Variants in HACL1 observed in about 807,000 individuals in gnomAD.
HACL1 encodes 1600020H07Rik.
Under a neutral mutation model 74.2 loss-of-function variants are expected in HACL1, and 64 were observed. The ratio of observed to expected loss-of-function variants is 0.86; its 90% CI spans 0.70 to 1.06. The LOEUF (loss-of-function observed/expected upper bound fraction) is 1.06. Among genes scored for constraint, HACL1 ranks in the 50% least tolerant of loss-of-function variants. HACL1 has a pLI of 0.00. For synonymous variants in HACL1, 230 were observed against 238.8 expected, an observed-to-expected ratio of 0.96 and a Z score of 0.34; for missense variants, 728 against 719.7, an observed-to-expected ratio of 1.01 and a Z score of -0.13.
At chr3:15,598,001 GTTTTA>G (rs1355985026) in intron 2 of HACL1, among the ~76,000 whole-genome samples, 1 of 150,830 alleles carries the variant, frequency 6.6e-6, no homozygotes, top group East Asian at 2.0e-4. Context: ...GTTTTGTTTT[GTTTTA>G]TTTTGTTTTG....
At chr3:15,581,757 C>A (rs2125257573) in intron 8 of HACL1, among the ~76,000 whole-genome samples, 1 of 152,326 alleles carries the variant, frequency 6.6e-6, no homozygotes, top group East Asian at 1.9e-4. Flanking sequence ...ACCGCACTTA[C>A]TTGTTACCAG....
intron 15 of HACL1, among the ~76,000 whole-genome samples, chr3:15,564,045 A>T (rs1003891169): frequency 6.6e-6 from 1 of 152,234 alleles, no homozygotes; most frequent in African/African-American, 2.4e-5. Flanking sequence ...GCATAAATAG[A>T]CACACCCATA....
intron 3 of HACL1, 117 bp from the exon 4 acceptor site, chr3:15,591,797 A>G (rs1482217822): frequency 1.2e-5 from 7 of 601,500 alleles, no homozygotes; most frequent in South Asian, 4.0e-5. Flanking sequence ...AGTCTTTACT[A>G]TAACTGATAA....
At chr3:15,563,755 T>C (rs941390591) in intron 15 of HACL1, among the ~76,000 whole-genome samples, 6 of 152,214 alleles carry the variant, frequency 3.9e-5, no homozygotes, top group Non-Finnish European at 4.4e-5. Flanking sequence ...TCTGTGATGA[T>C]AGAAATGTTT....
At chr3:15,580,927 G>A (rs1389016370) in intron 8 of HACL1, among the ~76,000 whole-genome samples, 2 of 152,232 alleles carry the variant, frequency 1.3e-5, no homozygotes, top group African/African-American at 4.8e-5. Flanking sequence ...TTGAGGCAAA[G>A]TCTCACTCTT....
chr3:15,596,598 T>C (rs543032059), intron 2 of HACL1, among the ~76,000 whole-genome samples, 174 bp from the exon 3 acceptor site: 1 of 152,354 alleles, frequency 6.6e-6, no homozygotes, highest in South Asian at 2.1e-4. Context: ...GTTATCTAAA[T>C]TTTAGTTTTT....
intron 3 of HACL1, 142 bp from the exon 4 acceptor site, chr3:15,591,822 T>C (rs1248377044): frequency 1.8e-6 from 1 of 554,194 alleles, no homozygotes; most frequent in East Asian, 3.1e-5. Flanking sequence ...ATTATTAGAA[T>C]ATTTTTAATT....
chr3:15,576,160 A>C (rs1199492180), intron 9 of HACL1, among the ~76,000 whole-genome samples: 8 of 150,404 alleles, frequency 5.3e-5, no homozygotes, highest in Non-Finnish European at 8.9e-5. Flanking sequence ...GTCTCAAAAA[A>C]AAAAAAAAAA....
intron 11 of HACL1, 123 bp from the exon 12 acceptor site, chr3:15,571,892 T>A (rs2063543190): frequency 1.9e-6 from 1 of 527,736 alleles, no homozygotes; most frequent in Non-Finnish European, 3.2e-6. Context: ...CAGGCTGGAG[T>A]GCAGTGGCGC....
At position 15,601,095 on chromosome 3, in the gene HACL1, GCTCATTC is replaced by G. The variant is rs1318058198; in HGVS notation, c.174_180del (p.Arg58SerfsTer14). On this transcript the variant is annotated frameshift_variant, in exon 2 of 17. Transcript: ENST00000321169. LOFTEE classifies it high-confidence loss of function. The stretch of plus-strand genomic sequence containing the variant: ...CCACCTGAGTCCATACTCACCGCTT[GCTCATTC>G]CTCATCCCGATGTACTTGATGCCTA... The G allele has an allele frequency of 6.2e-7, 1 of 1,604,724 alleles. No individual in the cohort carries two copies. Among genetic ancestry groups the G allele is most frequent in the South Asian group, 1.1e-5 (1 of 90,926 alleles).
chr3:15,591,516 C>T (rs961879442), intron 4 of HACL1, 84 bp downstream of exon 4: 4 of 725,998 alleles, frequency 5.5e-6, no homozygotes, highest in East Asian at 2.9e-5. Context: ...AGTCTTTCTA[C>T]CCTAGATCAG....
At chr3:15,573,563 T>C (rs1157680204) in intron 10 of HACL1, among the ~76,000 whole-genome samples, 2 of 152,204 alleles carry the variant, frequency 1.3e-5, no homozygotes, top group East Asian at 3.8e-4. Flanking sequence ...TTGAATTACA[T>C]TTGGAATTCC....
intron 2 of HACL1, among the ~76,000 whole-genome samples, chr3:15,598,365 T>C (rs1038167720): frequency 1.3e-5 from 2 of 152,204 alleles, no homozygotes; most frequent in African/African-American, 4.8e-5. Flanking sequence ...TCTACTAAAC[T>C]ACCTCCATTC....
chr3:15,569,587 C>T (rs554133710), intron 12 of HACL1, among the ~76,000 whole-genome samples: 3 of 151,970 alleles, frequency 2.0e-5, no homozygotes, highest in East Asian at 1.9e-4. Context: ...TTTGGGAGGC[C>T]GAGGTGGGCA....
intron 7 of HACL1, among the ~76,000 whole-genome samples, chr3:15,584,703 C>T (rs1325254255): frequency 2.6e-5 from 4 of 152,110 alleles, no homozygotes; most frequent in African/African-American, 4.8e-5. Flanking sequence ...TAAACAGTAC[C>T]CATGATGCTT....
At chr3:15,574,925 G>T in intron 10 of HACL1, 52 bp downstream of exon 10, 1 of 802,360 alleles carries the variant, frequency 1.2e-6, no homozygotes, top group Non-Finnish European at 2.2e-6. Context: ...GGCTGATAGG[G>T]AGAATAATGA....
chr3:15,561,938 C>T (rs902095368), intron 16 of HACL1, among the ~76,000 whole-genome samples: 12 of 152,166 alleles, frequency 7.9e-5, no homozygotes, highest in African/African-American at 2.9e-4. Context: ...CCTTGGCATC[C>T]CAAAGGGCTG....
intron 9 of HACL1, among the ~76,000 whole-genome samples, chr3:15,577,941 A>C (rs1005250148): frequency 6.6e-6 from 1 of 151,972 alleles, no homozygotes; most frequent in African/African-American, 2.4e-5. Context: ...TACTAAAAAT[A>C]CAAAAAATTA....
chr3:15,563,635 C>A, intron 15 of HACL1, 91 bp from the exon 16 acceptor site: 1 of 752,038 alleles, frequency 1.3e-6, no homozygotes, highest in South Asian at 1.9e-5. Context: ...AAAAAAATTT[C>A]AGCTGAACTC....
Sources: gnomAD v4.1 joint callset for allele counts (sites outside exome capture counted in the v4.1 genomes callset) on GRCh38, gnomAD v4.1.1 for gene constraint, MANE v1.5 for transcripts, NCBI Gene and HGNC (gene_info 2026-07-23, HGNC 2026-07-21) for gene names.